Variants in ROBO1 observed in about 807,000 individuals in gnomAD.
The protein encoded by ROBO1 is roundabout guidance receptor 1.
A neutral mutation model predicts 195.9 loss-of-function variants in ROBO1; 149 were observed. That is an observed-to-expected ratio of 0.76 (90% CI 0.67 to 0.87). The LOEUF is 0.87. Ranked by LOEUF, ROBO1 falls within the 40% of genes least tolerant of loss-of-function variation. ROBO1 has a pLI of 0.00. For missense variants in ROBO1, 1,933 were observed against 2,068.3 expected (o/e 0.93, Z 1.27); for synonymous variants, 816 against 733.2 (o/e 1.11, Z -1.82).
At chr3:79,252,594 A>G (rs898586856) in intron 2 of ROBO1, among the ~76,000 whole-genome samples, 2 of 152,190 alleles carry the variant, frequency 1.3e-5, no homozygotes, top group African/African-American at 4.8e-5. Context: ...GTTTGTGGTA[A>G]TTTGTTACAG....
At chr3:79,562,939 C>T (rs1942972571) in intron 2 of ROBO1, among the ~76,000 whole-genome samples, 1 of 152,098 alleles carries the variant, frequency 6.6e-6, no homozygotes, top group East Asian at 1.9e-4. Flanking sequence ...GACACTTTGA[C>T]ATATTTGAAG....
At chr3:79,635,011 C>T in intron 1 of ROBO1, among the ~76,000 whole-genome samples, 1 of 152,156 alleles carries the variant, frequency 6.6e-6, no homozygotes, top group East Asian at 1.9e-4. Flanking sequence ...GTCTTCATAA[C>T]AACACTGATA....
At chr3:79,141,568 T>TG (rs1559689471) in intron 2 of ROBO1, among the ~76,000 whole-genome samples, 1 of 1,274 alleles carries the variant, frequency 7.8e-4, no homozygotes, top group East Asian at 0.25. Context: ...GCTGTTGTTG[T>TG]TTTTTTTTTT....
intron 2 of ROBO1, among the ~76,000 whole-genome samples, chr3:79,168,332 T>G (rs1471710961): frequency 6.6e-6 from 1 of 151,634 alleles, no homozygotes; most frequent in Non-Finnish European, 1.5e-5. Context: ...CCAGGGAGAT[T>G]TTTTTTTTCC....
intron 1 of ROBO1, among the ~76,000 whole-genome samples, chr3:79,745,923 T>A (rs1324887982): frequency 1.3e-5 from 2 of 152,134 alleles, no homozygotes; most frequent in Non-Finnish European, 2.9e-5. Context: ...TAATTATATG[T>A]TCTCTTCACG....
At chr3:78,823,127 G>A (rs1207052075) in intron 4 of ROBO1, among the ~76,000 whole-genome samples, 1 of 151,716 alleles carries the variant, frequency 6.6e-6, no homozygotes, top group Non-Finnish European at 1.5e-5. Flanking sequence ...CTTCAATAGT[G>A]AAGATTCAGC....
Position 78,870,437 on chromosome 3 carries a change from A to G in ROBO1, c.499+68164T>C, listed in dbSNP as rs901568056. Reference sequence around the variant, plus strand: ...GCAAAAGATGAATCCTGCAGATTGAAGCATCTCATTCTCACACAGTATTCT... The same window carrying G: ...GCAAAAGATGAATCCTGCAGATTGAGGCATCTCATTCTCACACAGTATTCT... On this transcript the variant is annotated intron_variant, in intron 4 of 30. Coordinates refer to ENST00000464233, the MANE Select transcript of ROBO1 (RefSeq NM_002941.4). Among the ~76,000 whole-genome samples the G allele has an allele frequency of 3.3e-5, 5 of 152,198 alleles. No individual in the cohort carries two copies. In the East Asian group the frequency reaches 7.7e-4, roughly 23 times the overall value.
chr3:78,967,491 T>C (rs971534910), intron 3 of ROBO1, among the ~76,000 whole-genome samples: 1 of 152,110 alleles, frequency 6.6e-6, no homozygotes, highest in Non-Finnish European at 1.5e-5. Flanking sequence ...CACTCCCCAT[T>C]TCACTTTCTC....
chr3:78,949,124 T>A (rs2107759878), intron 3 of ROBO1, among the ~76,000 whole-genome samples: 1 of 140,422 alleles, frequency 7.1e-6, no homozygotes, highest in African/African-American at 2.9e-5. Flanking sequence ...CCCATCAAGC[T>A]ACCAATGACT....
chr3:79,320,983 A>G (rs920532799), intron 2 of ROBO1, among the ~76,000 whole-genome samples: 2 of 152,186 alleles, frequency 1.3e-5, no homozygotes, highest in Admixed American at 6.5e-5. Flanking sequence ...AAGGTAGTTG[A>G]AGGAGTTGAT....
chr3:78,991,242 C>A (rs1195008098), intron 3 of ROBO1, among the ~76,000 whole-genome samples: 1 of 151,992 alleles, frequency 6.6e-6, no homozygotes, highest in Non-Finnish European at 1.5e-5. Flanking sequence ...ATGGGTACCA[C>A]CAATGAACAA....
chr3:79,654,491 T>C (rs1946102217), intron 1 of ROBO1, among the ~76,000 whole-genome samples: 1 of 152,038 alleles, frequency 6.6e-6, no homozygotes, highest in Non-Finnish European at 1.5e-5. Context: ...TGATTATTTC[T>C]AGTTTTGACC....
rs1445014876 is a variant in ROBO1 at position 79,334,332 on chromosome 3, G to A, written c.89-208793C>T. Among the ~76,000 whole-genome samples, 22 of 116,278 alleles carry A rather than the reference G, an allele frequency of 1.9e-4. No individual in the cohort carries two copies. In the South Asian group the frequency reaches 4.4e-3, roughly 23 times the overall value. The allele number at this position is 116,278 out of a possible 152,430, so 76.3% of individuals were successfully genotyped here. A position where few individuals can be genotyped will look rare whatever the true frequency, so the allele number is the denominator to read the frequency against. ...AAAAAATATATATATATATATATAT[G>A]TGTATATATATGTATATATGTATAT... On this transcript the variant is annotated intron_variant, in intron 2 of 30. Coordinates refer to ENST00000464233, the MANE Select transcript of ROBO1 (RefSeq NM_002941.4).
chr3:79,480,925 A>G (rs964250632), intron 2 of ROBO1, among the ~76,000 whole-genome samples: 24 of 152,240 alleles, frequency 1.6e-4, no homozygotes, highest in African/African-American at 5.5e-4. Context: ...ATAATATAGC[A>G]ATTTCTTTCC....
At chr3:79,326,721 C>T (rs2034228815) in intron 2 of ROBO1, among the ~76,000 whole-genome samples, 1 of 152,116 alleles carries the variant, frequency 6.6e-6, no homozygotes, top group Non-Finnish European at 1.5e-5. Flanking sequence ...TTCTACTTCA[C>T]AGTGAAGAAA....
intron 2 of ROBO1, among the ~76,000 whole-genome samples, chr3:79,197,859 A>G (rs1576802586): frequency 6.7e-6 from 1 of 148,970 alleles, no homozygotes; most frequent in African/African-American, 2.5e-5. Context: ...GTCTGTTCAT[A>G]TCCTTCGCCC....
At chr3:79,616,780 C>T (rs1165116931) in intron 1 of ROBO1, among the ~76,000 whole-genome samples, 4 of 152,248 alleles carry the variant, frequency 2.6e-5, no homozygotes, top group Admixed American at 6.5e-5. Flanking sequence ...TGAAGACAGC[C>T]ATTCCAGTGC....
chr3:79,299,268 G>A (rs549488810), intron 2 of ROBO1, among the ~76,000 whole-genome samples: 1 of 152,232 alleles, frequency 6.6e-6, no homozygotes, highest in Non-Finnish European at 1.5e-5. Flanking sequence ...GAGCTTTGGG[G>A]TTATACAGAC....
intron 1 of ROBO1, among the ~76,000 whole-genome samples, chr3:79,709,058 C>T (rs959322432): frequency 2.0e-5 from 3 of 151,768 alleles, no homozygotes; most frequent in Non-Finnish European, 4.4e-5. Flanking sequence ...CAGGCACACA[C>T]AAACAAAATA....
Sources: allele counts gnomAD v4.1 joint callset (sites outside exome capture counted in the v4.1 genomes callset), GRCh38; gene constraint gnomAD v4.1.1; transcripts MANE v1.5; gene names NCBI Gene and HGNC (gene_info 2026-07-23, HGNC 2026-07-21).